The following RGS6 variants were observed in gnomAD, a reference collection of about 807,000 sequenced individuals.
RGS6 encodes the protein regulator of G-protein signaling 6.
A neutral mutation model predicts 78.5 loss-of-function variants in RGS6; 30 were observed. The observed-to-expected ratio is 0.38, with a 90% CI of 0.29 to 0.52. The LOEUF is 0.52. Among genes scored for constraint, RGS6 ranks in the 20% least tolerant of loss-of-function variants. RGS6 has a pLI of 0.85. For synonymous variants in RGS6, 206 were observed against 206.0 expected, an observed-to-expected ratio of 1.00 and a Z score of 0.00; for missense variants, 495 against 609.7, an observed-to-expected ratio of 0.81 and a Z score of 1.98.
chr14:72,233,115 CAGAAGGTCCTTGTTCATCCT>C (rs2153813200), intron 2 of RGS6, among the ~76,000 whole-genome samples: 1 of 152,310 alleles, frequency 6.6e-6, no homozygotes, highest in East Asian at 1.9e-4. Context: ...GAGCAGGCCC[CAGAAGGTCCTTGTTCATCCT>C]AGTCAGGTCC....
At chr14:72,092,391 A>T (rs2023375) in intron 2 of RGS6, among the ~76,000 whole-genome samples, 132,346 of 152,110 alleles carry the variant, frequency 0.87, 57,902 homozygotes, top group Admixed American at 0.93. Flanking sequence ...AAGTCTTGCT[A>T]TGTTGCCCAG....
the RGS6 span, among the ~76,000 whole-genome samples, chr14:72,618,544 CT>C: frequency 6.6e-6 from 1 of 152,212 alleles, no homozygotes; most frequent in South Asian, 2.1e-4. Context: ...AGCCTGGCCT[CT>C]TGCAAAGTCT....
At position 72,273,132 on chromosome 14, in the gene RGS6, C is replaced by CAA. The variant is rs776425541; in HGVS notation, c.85-78953_85-78952dup. Among the ~76,000 whole-genome samples the CAA allele has an allele frequency of 1.2e-3, 145 of 122,868 alleles. 2 individuals are homozygous for CAA. Among genetic ancestry groups the CAA allele is most frequent in the Non-Finnish European group, 1.4e-3 (79 of 57,484 alleles). The allele number at this position is 122,868 out of a possible 152,430, so 80.6% of individuals were successfully genotyped here. The stretch of plus-strand genomic sequence containing the variant: ...CGGCTACAAGGGCAAAACTCCATCT[C>CAA]AAAAAAAAAAAGAAAGAAAGAAAAT... On this transcript the variant is annotated intron_variant, in intron 2 of 17. Coordinates refer to ENST00000553525, the MANE Select transcript of RGS6 (RefSeq NM_001204424.2).
intron 2 of RGS6, among the ~76,000 whole-genome samples, chr14:72,008,848 T>C (rs1270446253): frequency 6.6e-6 from 1 of 152,330 alleles, no homozygotes; most frequent in African/African-American, 2.4e-5. Context: ...GGCCTTAGAC[T>C]TCTGTACTTA....
intron 2 of RGS6, among the ~76,000 whole-genome samples, chr14:72,238,534 T>G (rs1179815504): frequency 6.6e-6 from 1 of 152,214 alleles, no homozygotes; most frequent in Non-Finnish European, 1.5e-5. Flanking sequence ...GGTTTGTACT[T>G]TGGCTCTATT....
the RGS6 span, among the ~76,000 whole-genome samples, chr14:72,575,224 G>T: frequency 6.6e-6 from 1 of 152,114 alleles, no homozygotes; most frequent in Non-Finnish European, 1.5e-5. Context: ...GGTGTGCCAT[G>T]GGGTAGCTGG....
At chr14:72,163,775 C>G (rs1357918604) in intron 2 of RGS6, among the ~76,000 whole-genome samples, 2 of 151,348 alleles carry the variant, frequency 1.3e-5, no homozygotes, top group African/African-American at 2.4e-5. Context: ...CGCAACTACT[C>G]AGGAGGCTGA....
At chr14:72,367,508 A>G (rs948784574) in intron 3 of RGS6, among the ~76,000 whole-genome samples, 3 of 151,978 alleles carry the variant, frequency 2.0e-5, no homozygotes, top group Non-Finnish European at 4.4e-5. Context: ...TCCCAATTCT[A>G]CCTCTGTATC....
chr14:72,076,252 C>G (rs761284630), intron 2 of RGS6, among the ~76,000 whole-genome samples: 1 of 152,180 alleles, frequency 6.6e-6, no homozygotes, highest in African/African-American at 2.4e-5. Context: ...ATAGCTGTTC[C>G]TTTTCTGTTC....
intron 2 of RGS6, among the ~76,000 whole-genome samples, chr14:72,094,580 A>C (rs2095358375): frequency 6.6e-6 from 1 of 152,130 alleles, no homozygotes; most frequent in South Asian, 2.1e-4. Flanking sequence ...TATTTCACTT[A>C]GATGATGATT....
intron 3 of RGS6, among the ~76,000 whole-genome samples, chr14:72,436,945 C>G (rs1597486225): frequency 6.6e-6 from 1 of 152,226 alleles, no homozygotes; most frequent in Non-Finnish European, 1.5e-5. Flanking sequence ...CTTAAGAACC[C>G]TCACTGCATT....
chr14:72,324,174 G>T lies in RGS6; in HGVS notation c.85-27921G>T, dbSNP rs147301124. 7.3e-3 allele frequency among the ~76,000 whole-genome samples: 1,103 copies of T among 151,968 alleles called. 16 individuals carry two copies. Among genetic ancestry groups the T allele is most frequent in the African/African-American group, 0.024 (1,015 of 41,444 alleles). ...TATCCTAACAACCAGGAAGCTCTAT[G>T]TAAGTGTCTAGAAATAGACCAAACT... On this transcript the variant is annotated intron_variant, in intron 2 of 17. Transcript: ENST00000553525.
At chr14:72,502,470 A>G (rs1282661895) in intron 13 of RGS6, among the ~76,000 whole-genome samples, 1 of 152,212 alleles carries the variant, frequency 6.6e-6, no homozygotes, top group African/African-American at 2.4e-5. Context: ...TTTGTTACAC[A>G]GCGTAAATAA....
chr14:72,294,776 G>A (rs990939244), intron 2 of RGS6, among the ~76,000 whole-genome samples: 2 of 152,036 alleles, frequency 1.3e-5, no homozygotes, highest in African/African-American at 4.8e-5. Context: ...CATGAGAACA[G>A]CACCAAAGGG....
chr14:72,231,983 T>A (rs890647589), intron 2 of RGS6, among the ~76,000 whole-genome samples: 2 of 152,108 alleles, frequency 1.3e-5, no homozygotes, highest in Non-Finnish European at 2.9e-5. Flanking sequence ...AAGGTTCTTC[T>A]CTAAGGGCCG....
At chr14:72,314,168 TAC>T in intron 2 of RGS6, among the ~76,000 whole-genome samples, 1 of 152,314 alleles carries the variant, frequency 6.6e-6, no homozygotes, top group Non-Finnish European at 1.5e-5. Flanking sequence ...AAGCCCAACT[TAC>T]AGTGTCTGTG....
At chr14:72,135,316 G>T (rs1214648083) in intron 2 of RGS6, among the ~76,000 whole-genome samples, 2 of 152,132 alleles carry the variant, frequency 1.3e-5, no homozygotes, top group Non-Finnish European at 2.9e-5. Context: ...GGACTGTGAG[G>T]CAGAGACTCG....
the RGS6 span, among the ~76,000 whole-genome samples, chr14:71,880,827 C>T: frequency 6.6e-6 from 1 of 152,176 alleles, no homozygotes; most frequent in Non-Finnish European, 1.5e-5. Flanking sequence ...TGGGGTGTTG[C>T]CTAGTGGAGC....
At chr14:72,480,103 G>A (rs966034245) in intron 12 of RGS6, among the ~76,000 whole-genome samples, 1 of 152,216 alleles carries the variant, frequency 6.6e-6, no homozygotes, top group Non-Finnish European at 1.5e-5. Context: ...TAGGGATTCA[G>A]ATTCAGTGGT....
Sources: gnomAD v4.1 joint callset for allele counts (sites outside exome capture counted in the v4.1 genomes callset) on GRCh38, gnomAD v4.1.1 for gene constraint, MANE v1.5 for transcripts, NCBI Gene and HGNC (gene_info 2026-07-23, HGNC 2026-07-21) for gene names.